The following MAP7D3 variants were observed in gnomAD, a reference collection of about 807,000 sequenced individuals.
MAP7D3 encodes MAP7 domain-containing protein 3.
In MAP7D3, 45 loss-of-function variants were observed where a neutral mutation model predicts 62.2. The observed-to-expected ratio is 0.72, with a 90% confidence interval of 0.57 to 0.93. The LOEUF (loss-of-function observed/expected upper bound fraction) is 0.93. MAP7D3 is among the 40% of genes least tolerant of loss of function. The pLI, the probability that MAP7D3 is intolerant of heterozygous loss-of-function variation, is 0.00. For missense variants in MAP7D3, 711 were observed against 683.1 expected (o/e 1.04, Z -0.45); for synonymous variants, 288 against 248.8 (o/e 1.16, Z -1.48).
chrX:136,238,010 A>G (rs1284703994), intron 6 of MAP7D3, among the ~76,000 whole-genome samples: 1 of 110,954 alleles, frequency 9.0e-6, no homozygotes, highest in East Asian at 2.8e-4. Flanking sequence ...TTTGCTGAGA[A>G]TGATGGTTTC....
chrX:136,249,215 A>T (rs1401847651), intron 1 of MAP7D3, among the ~76,000 whole-genome samples: 1 of 112,208 alleles, frequency 8.9e-6, no homozygotes, highest in African/African-American at 3.2e-5. Context: ...GCCTGACAAG[A>T]TCATCTTAAG....
chrX:136,242,259 T>C (rs376517294), intron 4 of MAP7D3, among the ~76,000 whole-genome samples: 1 of 112,411 alleles, frequency 8.9e-6, no homozygotes, highest in South Asian at 3.7e-4. Context: ...GAAACTATAA[T>C]AGACTAAAAA....
Position 136,251,332 on chromosome X carries a change from G to T in MAP7D3, c.27C>A (p.Gly9=). 8.9e-7 allele frequency: 1 copy of T among 1,128,271 alleles called. No homozygotes were observed. The highest frequency in any genetic ancestry group is 1.2e-6 in the Non-Finnish European group (1 of 860,034). 93.0% of individuals were successfully genotyped at this position (1,128,271 alleles called of 1,213,427 possible). ...CTCTCAAGGATGGGCTGCCGCCAGC[G>T]CCAGCTGCGGCGCCGTCCGCCATCA... is the stretch of plus-strand genomic sequence containing the variant. MMADGAAA[G]AGGSPSLREL... Residue 9 remains glycine (G), a synonymous_variant, in exon 1 of 19, where the codon GGC becomes GGA. Transcript: ENST00000316077.
chrX:136,240,526 G>A (rs762142440), intron 5 of MAP7D3, 40 bp from the exon 6 acceptor site: 4 of 897,131 alleles, frequency 4.5e-6, no homozygotes, highest in Non-Finnish European at 6.5e-6. Context: ...CATATTTCAA[G>A]GAGGAAAGAA....
chrX:136,252,001 ATC>A (rs1453487535), upstream of MAP7D3, among the ~76,000 whole-genome samples: 3 of 112,246 alleles, frequency 2.7e-5, no homozygotes, highest in African/African-American at 9.7e-5. Flanking sequence ...ATTGGCATCA[ATC>A]TCTCCGGATT....
intron 1 of MAP7D3, among the ~76,000 whole-genome samples, chrX:136,250,274 A>C (rs1168490109): frequency 8.9e-6 from 1 of 112,202 alleles, no homozygotes; most frequent in Non-Finnish European, 1.9e-5. Flanking sequence ...TGCAAATGCA[A>C]AAAAACCCCT....
chrX:136,215,427 A>T (rs1342211125), downstream of MAP7D3, among the ~76,000 whole-genome samples: 2 of 111,933 alleles, frequency 1.8e-5, no homozygotes, highest in African/African-American at 6.5e-5. Flanking sequence ...TGTGCTTCTC[A>T]TGAGAGTCTA....
intron 16 of MAP7D3, among the ~76,000 whole-genome samples, chrX:136,220,257 A>G (rs1407407341): frequency 9.0e-6 from 1 of 111,577 alleles, no homozygotes; most frequent in Non-Finnish European, 1.9e-5. Flanking sequence ...AAGGAGGTTC[A>G]AGACCAGCCT....
In MAP7D3 at chrX:136,241,179, C is replaced by T. The variant is rs758478606; in HGVS notation, c.516G>A (p.Ala172=). ...KRWSWGGSAM[A]NSESKTANKR... is the part of the protein sequence containing the mutation. ...AATTACCAGTTTTGCTCTCAGAATT[C>T]GCCATTGCAGAGCCTCCCCATGACC... The change falls in exon 5 of 19, where the codon GCG becomes GCA. Residue 172 remains alanine, a synonymous_variant. Coordinates refer to ENST00000316077, the MANE Select transcript of MAP7D3 (RefSeq NM_024597.4). 3.3e-5 allele frequency: 38 copies of T among 1,160,902 alleles called. No individual in the cohort carries two copies. Among genetic ancestry groups the T allele is most frequent in the African/African-American group, 1.1e-4 (6 of 55,971 alleles).
At chrX:136,244,261 C>G (rs923063876) in intron 4 of MAP7D3, among the ~76,000 whole-genome samples, 1 of 111,424 alleles carries the variant, frequency 9.0e-6, no homozygotes, top group Admixed American at 9.5e-5. Flanking sequence ...GAGGGTCAGA[C>G]AGTGGGGTCT....
intron 7 of MAP7D3, among the ~76,000 whole-genome samples, chrX:136,233,635 TAAAAA>T (rs151267120): frequency 2.3e-4 from 7 of 30,587 alleles, no homozygotes; most frequent in Admixed American, 5.2e-4. Flanking sequence ...TAAATTAAAC[TAAAAA>T]AAAAAAAAAA....
chrX:136,255,982 C>A (rs1791704292), upstream of MAP7D3: 1 of 600,060 alleles, frequency 1.7e-6, no homozygotes, highest in Admixed American at 8.9e-5. Flanking sequence ...AGTGAGCTTA[C>A]CAATCTAGCG....
At chrX:136,235,755 AAAAG>A (rs940336005) in intron 7 of MAP7D3, among the ~76,000 whole-genome samples, 7 of 111,800 alleles carry the variant, frequency 6.3e-5, no homozygotes, top group Non-Finnish European at 3.8e-5. Context: ...TTTCAAAAAA[AAAAG>A]AAAGAAAGAA....
intron 5 of MAP7D3, among the ~76,000 whole-genome samples, chrX:136,240,706 C>T (rs2074380440): frequency 9.0e-6 from 1 of 111,328 alleles, no homozygotes; most frequent in Admixed American, 9.6e-5. Context: ...GTGATCTGCT[C>T]GCCTTGGCCT....
chrX:136,243,986 C>T (rs2074419180), intron 4 of MAP7D3, among the ~76,000 whole-genome samples: 1 of 111,230 alleles, frequency 9.0e-6, no homozygotes, highest in African/African-American at 3.3e-5. Context: ...GCCAAAGACA[C>T]CAAAAGAGAA....
At position 136,233,605 on chromosome X, in the gene MAP7D3, G is replaced by C. The variant is rs938769911; in HGVS notation, c.737-1385C>G. 3.1e-5 allele frequency among the ~76,000 whole-genome samples: 3 copies of C among 95,975 alleles called. No homozygotes were observed. The East Asian group carries it at 9.8e-4, about 31-fold the overall frequency. 83.3% of individuals were successfully genotyped at this position (95,975 alleles called of 115,157 possible). ...AACATTTTTCAAAAGGTATTTGGAG[G>C]TGGCTTCCTTAAGACCTGGTAAATT... On this transcript the variant is annotated intron_variant, in intron 7 of 18. Transcript: ENST00000316077.
chrX:136,241,530 C>G (rs1393579105), intron 4 of MAP7D3, among the ~76,000 whole-genome samples: 3 of 111,695 alleles, frequency 2.7e-5, no homozygotes, highest in Non-Finnish European at 5.6e-5. Context: ...AATTTAGAGC[C>G]AAATGTGTAG....
In MAP7D3 at chrX:136,240,366, T is replaced by C. The variant is rs1304278246; in HGVS notation, c.640+16A>G. On this transcript the variant is annotated intron_variant, in intron 6 of 18. Coordinates refer to ENST00000316077, the MANE Select transcript of MAP7D3 (RefSeq NM_024597.4). ...TTTAATAGAAATTCAGTAGAATACA[T>C]GAAATAACTACTTACTTTTGGCAAC... The C allele has an allele frequency of 3.9e-6, 4 of 1,026,672 alleles. No individual in the cohort carries two copies. Among genetic ancestry groups the C allele is most frequent in the South Asian group, 3.8e-5 (2 of 52,897 alleles). 84.6% of individuals were successfully genotyped at this position (1,026,672 alleles called of 1,213,427 possible). A position where few individuals can be genotyped will look rare whatever the true frequency, so the allele number is the denominator to read the frequency against.
chrX:136,221,045 T>C lies in MAP7D3; in HGVS notation c.2288-82A>G, dbSNP rs2074120949. 2.4e-5 allele frequency: 17 copies of C among 722,067 alleles called. No homozygotes were observed. In the South Asian group the frequency reaches 2.9e-4, roughly 12 times the overall value. 59.5% of individuals were successfully genotyped at this position (722,067 alleles called of 1,213,427 possible). The stretch of plus-strand genomic sequence containing the variant: ...AGTGAAGGCTATGATCCTGATGGGA[T>C]GGGGAGTGGGTACTGCCTGCCTGAA... On this transcript the variant is annotated intron_variant, in intron 15 of 18. Transcript: ENST00000316077.
Sources: gnomAD v4.1 joint callset for allele counts (sites outside exome capture counted in the v4.1 genomes callset) on GRCh38, gnomAD v4.1.1 for gene constraint, MANE v1.5 for transcripts, NCBI Gene and HGNC (gene_info 2026-07-23, HGNC 2026-07-21) for gene names.